The following CACNB2 variants were observed in gnomAD, a reference collection of about 807,000 sequenced individuals.
CACNB2 encodes calcium voltage-gated channel auxiliary subunit beta 2.
Under a neutral mutation model 73.3 loss-of-function variants are expected in CACNB2, and 42 were observed. The ratio of observed to expected loss-of-function variants is 0.57; its 90% CI spans 0.45 to 0.74. The LOEUF (loss-of-function observed/expected upper bound fraction) is 0.74, where lower values mean the gene tolerates loss of function less well. Ranked by LOEUF, CACNB2 falls within the 30% of genes least tolerant of loss-of-function variation. The probability of loss-of-function intolerance (pLI) is 0.00; values close to 1 mark genes in which losing one functional copy is unlikely to be tolerated. For synonymous variants in CACNB2, 348 were observed against 310.3 expected, an observed-to-expected ratio of 1.12 and a Z score of -1.28; for missense variants, 940 against 853.0, an observed-to-expected ratio of 1.10 and a Z score of -1.27.
At chr10:18,329,727 G>T (rs571206579) in intron 2 of CACNB2, among the ~76,000 whole-genome samples, 1 of 152,000 alleles carries the variant, frequency 6.6e-6, no homozygotes, top group South Asian at 2.1e-4. Flanking sequence ...TAGCAATCTT[G>T]TATGTCCTCG....
At chr10:18,479,791 G>C (rs1408291241) in intron 3 of CACNB2, among the ~76,000 whole-genome samples, 1 of 152,126 alleles carries the variant, frequency 6.6e-6, no homozygotes, top group Non-Finnish European at 1.5e-5. Flanking sequence ...GTTTCCTGAG[G>C]CCTCCTGTTA....
At chr10:18,310,403 C>A (rs1241897427) in intron 2 of CACNB2, among the ~76,000 whole-genome samples, 1 of 150,732 alleles carries the variant, frequency 6.6e-6, no homozygotes, top group African/African-American at 2.4e-5. Flanking sequence ...GTTGGGAGTT[C>A]GAGACCAGCC....
At chr10:18,489,076 G>T (rs1399346610) in intron 3 of CACNB2, among the ~76,000 whole-genome samples, 1 of 152,048 alleles carries the variant, frequency 6.6e-6, no homozygotes, top group Non-Finnish European at 1.5e-5. Flanking sequence ...CACTTTGGGA[G>T]GCCGAGGTGG....
At chr10:18,437,927 T>C (rs1465672069) in intron 3 of CACNB2, among the ~76,000 whole-genome samples, 1 of 151,658 alleles carries the variant, frequency 6.6e-6, no homozygotes, top group African/African-American at 2.4e-5. Context: ...TGGAAACTTA[T>C]TATAATTAGA....
intron 2 of CACNB2, among the ~76,000 whole-genome samples, chr10:18,216,884 A>G (rs2489206): frequency 0.67 from 101,473 of 152,142 alleles, 35,512 homozygotes; most frequent in Non-Finnish European, 0.79. Context: ...GACAACCTAC[A>G]TGTGAGACCA....
At chr10:18,185,277 A>G (rs1182140557) in intron 2 of CACNB2, among the ~76,000 whole-genome samples, 2 of 152,230 alleles carry the variant, frequency 1.3e-5, no homozygotes, top group Non-Finnish European at 2.9e-5. Flanking sequence ...GTATACAGCA[A>G]ACAAAATTTA....
chr10:18,467,413 G>T (rs1015236613), intron 3 of CACNB2, among the ~76,000 whole-genome samples: 5 of 152,170 alleles, frequency 3.3e-5, no homozygotes, highest in Non-Finnish European at 7.3e-5. Context: ...ATTTATTGGT[G>T]TCTGGTGTAT....
At chr10:18,505,378 G>A (rs2050433164) in intron 5 of CACNB2, among the ~76,000 whole-genome samples, 1 of 152,016 alleles carries the variant, frequency 6.6e-6, no homozygotes, top group South Asian at 2.1e-4. Flanking sequence ...CTTATTAAAT[G>A]TATTTGAGTA....
At chr10:18,460,161 A>G (rs2047492566) in intron 3 of CACNB2, among the ~76,000 whole-genome samples, 1 of 152,236 alleles carries the variant, frequency 6.6e-6, no homozygotes. Context: ...AATCATGCAT[A>G]AAAGAAAGGC....
intron 3 of CACNB2, among the ~76,000 whole-genome samples, chr10:18,474,755 A>G (rs1210261662): frequency 6.6e-6 from 1 of 151,848 alleles, no homozygotes; most frequent in Non-Finnish European, 1.5e-5. Context: ...TTCTTCCAAC[A>G]ACAGATGTGG....
At chr10:18,213,132 G>A (rs138527219) in intron 2 of CACNB2, among the ~76,000 whole-genome samples, 2 of 152,264 alleles carry the variant, frequency 1.3e-5, no homozygotes, top group East Asian at 3.9e-4. Flanking sequence ...GTGGCCCTTG[G>A]CGGCAGGTCC....
At chr10:18,522,594 A>G (rs2052012246) in intron 9 of CACNB2, among the ~76,000 whole-genome samples, 1 of 152,110 alleles carries the variant, frequency 6.6e-6, no homozygotes, top group South Asian at 2.1e-4. Flanking sequence ...TAAGTGATCA[A>G]GCAGGCTGGG....
At chr10:18,317,081 C>A (rs1038024264) in intron 2 of CACNB2, among the ~76,000 whole-genome samples, 5 of 152,116 alleles carry the variant, frequency 3.3e-5, no homozygotes, top group Non-Finnish European at 7.4e-5. Context: ...CATAAACTTA[C>A]AGCTGTCTCC....
In CACNB2 at chr10:18,227,116, T is replaced by C. The variant is rs1201741946; in HGVS notation, c.213+76141T>C. Among the ~76,000 whole-genome samples, 6 of 152,016 alleles carry C rather than the reference T, an allele frequency of 3.9e-5. No homozygotes were observed. The South Asian group carries it at 1.0e-3, about 26-fold the overall frequency. On this transcript the variant is annotated intron_variant, in intron 2 of 13. Transcript: ENST00000324631. Reference sequence around the variant, plus strand: ...TAAAACAACACGTTTTCTGAAATGATAGGAAGAATTTTATGTCGAATATCG... The same window carrying C: ...TAAAACAACACGTTTTCTGAAATGACAGGAAGAATTTTATGTCGAATATCG...
intron 3 of CACNB2, among the ~76,000 whole-genome samples, chr10:18,467,088 A>G (rs536790783): frequency 1.7e-4 from 26 of 152,314 alleles, no homozygotes; most frequent in African/African-American, 6.0e-4. Flanking sequence ...CAGGAGGCGG[A>G]AGTTGCAGTG....
At chr10:18,369,847 CAG>C (rs1208867154) in intron 2 of CACNB2, among the ~76,000 whole-genome samples, 2 of 152,184 alleles carry the variant, frequency 1.3e-5, no homozygotes, top group African/African-American at 2.4e-5. Context: ...GCAGAGGTTG[CAG>C]AGAGCCGAGA....
intron 3 of CACNB2, among the ~76,000 whole-genome samples, chr10:18,412,458 T>G (rs1435948563): frequency 6.6e-6 from 1 of 152,194 alleles, no homozygotes; most frequent in African/African-American, 2.4e-5. Flanking sequence ...CCAGGCTTTA[T>G]TCTCCTGCTT....
intron 5 of CACNB2, among the ~76,000 whole-genome samples, chr10:18,503,356 G>A (rs1032066062): frequency 2.6e-5 from 4 of 152,144 alleles, no homozygotes; most frequent in African/African-American, 9.7e-5. Flanking sequence ...CAGCACTTTG[G>A]GAGGCCAAAG....
intron 2 of CACNB2, among the ~76,000 whole-genome samples, chr10:18,219,726 A>G (rs1310722817): frequency 1.3e-5 from 2 of 151,416 alleles, no homozygotes; most frequent in Admixed American, 6.6e-5. Context: ...TCCAACTGTT[A>G]TTCATCTTAT....
Sources: allele counts gnomAD v4.1 joint callset (sites outside exome capture counted in the v4.1 genomes callset), GRCh38; gene constraint gnomAD v4.1.1; transcripts MANE v1.5; gene names NCBI Gene and HGNC (gene_info 2026-07-23, HGNC 2026-07-21).